MED13: variants seen among roughly 807,000 people sequenced by gnomAD.
The protein encoded by MED13 is mediator complex subunit 13.
MED13 carries 23 observed loss-of-function variants against 225.2 expected under a neutral mutation model. The ratio of observed to expected loss-of-function variants is 0.10; its 90% CI spans 0.07 to 0.14. The LOEUF (loss-of-function observed/expected upper bound fraction) is 0.14, where lower values mean the gene tolerates loss of function less well. Among genes scored for constraint, MED13 ranks in the 10% least tolerant of loss-of-function variants. MED13 has a pLI of 1.00. For synonymous variants in MED13, 942 were observed against 889.2 expected, an observed-to-expected ratio of 1.06 and a Z score of -1.06; for missense variants, 2,197 against 2,594.5, an observed-to-expected ratio of 0.85 and a Z score of 3.33.
At chr17:62,055,640 T>C (rs933795023) in intron 2 of MED13, among the ~76,000 whole-genome samples, 7 of 151,850 alleles carry the variant, frequency 4.6e-5, no homozygotes, top group East Asian at 1.9e-4. Flanking sequence ...CTGGCCAACA[T>C]AGTGAAACCC....
chr17:61,956,516 T>G lies in MED13; in HGVS notation c.5481-35A>C, dbSNP rs1405601992. The G allele has an allele frequency of 2.5e-5, 39 of 1,568,240 alleles. 1 individual carries two copies. The East Asian group carries it at 7.9e-4, about 32-fold the overall frequency. On this transcript the variant is annotated intron_variant, in intron 23 of 29. Transcript: ENST00000397786. ...GAATAAAGAGAGTGTCATAAATATT[T>G]CTAAAATTTATATGATTTTGCTGTT...
At chr17:62,003,369 G>T (rs993191537) in intron 9 of MED13, among the ~76,000 whole-genome samples, 7 of 152,022 alleles carry the variant, frequency 4.6e-5, no homozygotes, top group Admixed American at 3.9e-4. Context: ...ACTTTGTGAG[G>T]CTGAGGCAGG....
Position 61,977,090 on chromosome 17 carries a change from C to A in MED13, c.3806-4202G>T, listed in dbSNP as rs549086100. Among the ~76,000 whole-genome samples the A allele has an allele frequency of 5.1e-4, 77 of 152,244 alleles. 1 individual carries two copies. Among genetic ancestry groups the A allele is most frequent in the African/African-American group, 1.8e-3 (73 of 41,548 alleles). ...TAATATCCTGATCATCTACTGTGTTCATTATTCTAGGTGTTTAGATTATAG... is the reference window on the plus strand; with the variant it reads ...TAATATCCTGATCATCTACTGTGTTAATTATTCTAGGTGTTTAGATTATAG... On this transcript the variant is annotated intron_variant, in intron 16 of 29. Transcript: ENST00000397786.
chr17:62,053,925 A>C (rs1366578590), intron 2 of MED13, among the ~76,000 whole-genome samples: 2 of 152,232 alleles, frequency 1.3e-5, no homozygotes, highest in African/African-American at 2.4e-5. Flanking sequence ...ATTCTGTGCC[A>C]CTACAAAGAT....
intron 9 of MED13, chr17:62,010,336 A>G (rs2080494660): frequency 5.2e-6 from 2 of 387,832 alleles, no homozygotes; most frequent in African/African-American, 2.1e-5. Context: ...ACAAGTGTTT[A>G]CACATTATTT....
In MED13 at chr17:61,982,522, T is replaced by C. The variant is rs1237209084; in HGVS notation, c.3481A>G (p.Lys1161Glu). Residue 1161 changes from lysine to glutamate, a missense_variant, in exon 16 of 30, where the codon AAA (lysine) becomes GAA (glutamate). By Grantham distance (56) the Lys-to-Glu change is moderately conservative. Around this residue, in one of 12 missense-constraint regions of MED13, gnomAD observed 203 missense variants for 209.7 expected, o/e 0.97. Transcript: ENST00000397786. ...RNTDCGKEAE[K>E]RFEALRATSA... is the part of the protein sequence containing the mutation. The stretch of plus-strand genomic sequence containing the variant: ...GTAGCCCTGAGAGCTTCAAAACGTT[T>C]TTCTGCTTCTTTGCCACAGTCTGTA... The C allele has an allele frequency of 1.2e-6, 2 of 1,614,218 alleles. No individual in the cohort carries two copies. Among genetic ancestry groups the C allele is most frequent in the East Asian group, 2.2e-5 (1 of 44,888 alleles).
Position 62,065,181 on chromosome 17 carries a change from C to A in MED13, c.25G>T (p.Gly9Trp). MSASFVPN[G>W]ASLEDCHCNL... ...CAGTGACAATCTTCCAGGCTGGCCC[C>A]GTTCGGCACGAAGGAGGCACTCATC... Residue 9 changes from glycine (G) to tryptophan (W), a missense_variant, in exon 1 of 30, where the codon GGG becomes TGG. Gly to Trp is a radical substitution (Grantham distance 184). This residue lies in a region of MED13 where 884 missense variants were observed against 918.5 expected (regional missense o/e 0.96). Transcript: ENST00000397786. 1 of 1,581,050 alleles carries A rather than the reference C, an allele frequency of 6.3e-7. No individual in the cohort carries two copies. The highest frequency in any genetic ancestry group is 8.6e-7 in the Non-Finnish European group (1 of 1,165,214).
chr17:62,049,657 CGCCGTG>C (rs2080937140), intron 3 of MED13, among the ~76,000 whole-genome samples: 1 of 152,134 alleles, frequency 6.6e-6, no homozygotes, highest in Non-Finnish European at 1.5e-5. Flanking sequence ...GAAGGCTGGG[CGCCGTG>C]GCTCACGCCT....
At chr17:61,969,762 G>A (rs879892384) in intron 17 of MED13, among the ~76,000 whole-genome samples, 14 of 151,908 alleles carry the variant, frequency 9.2e-5, no homozygotes, top group East Asian at 7.8e-4. Context: ...TCACCATACC[G>A]GGATAATTTT....
rs924459337 is a variant in MED13, at chr17:61,967,960, T to C, written c.4191+75A>G. ...ATCACTGTGTCCCAATCAACTGAAC[T>C]GCCCAGTATGCTGTATATACAACAA... On this transcript the variant is annotated intron_variant, in intron 18 of 29. Transcript: ENST00000397786. 2.7e-6 allele frequency: 3 copies of C among 1,106,784 alleles called. No individual in the cohort carries two copies. In the African/African-American group the frequency reaches 4.7e-5, roughly 17 times the overall value. The allele number at this position is 1,106,784 out of a possible 1,614,324, so 68.6% of individuals were successfully genotyped here. A position where few individuals can be genotyped will look rare whatever the true frequency, so the allele number is the denominator to read the frequency against.
chr17:62,014,218 G>T (rs2080539552), intron 8 of MED13, among the ~76,000 whole-genome samples: 1 of 151,626 alleles, frequency 6.6e-6, no homozygotes, highest in African/African-American at 2.4e-5. Flanking sequence ...CAAAAATATT[G>T]AAGTTGAGTC....
chr17:62,022,297 T>C (rs967413816), intron 8 of MED13, among the ~76,000 whole-genome samples: 1 of 151,780 alleles, frequency 6.6e-6, no homozygotes, highest in African/African-American at 2.4e-5. Context: ...ACACCTTCTG[T>C]CACAGAGTAA....
intron 8 of MED13, among the ~76,000 whole-genome samples, chr17:62,027,352 T>G (rs558113851): frequency 6.6e-6 from 1 of 152,278 alleles, no homozygotes; most frequent in South Asian, 2.1e-4. Flanking sequence ...CCCTATTCAA[T>G]AAATGGTGCT....
intron 3 of MED13, among the ~76,000 whole-genome samples, chr17:62,048,846 C>G (rs991650174): frequency 6.6e-6 from 1 of 152,104 alleles, no homozygotes; most frequent in African/African-American, 2.4e-5. Flanking sequence ...CTCACATACA[C>G]AGAACCTCCA....
intron 11 of MED13, among the ~76,000 whole-genome samples, chr17:61,987,723 A>T (rs1329568760): frequency 1.3e-5 from 2 of 152,134 alleles, no homozygotes. Context: ...TAGAAAAACA[A>T]TTAAATACAC....
chr17:62,020,882 T>C (rs1033331868), intron 8 of MED13, among the ~76,000 whole-genome samples: 12 of 151,840 alleles, frequency 7.9e-5, no homozygotes, highest in African/African-American at 2.7e-4. Context: ...TAGGGAGTGG[T>C]GATGACTCTT....
intron 3 of MED13, among the ~76,000 whole-genome samples, chr17:62,048,821 C>A (rs1373708644): frequency 6.6e-6 from 1 of 152,044 alleles, no homozygotes; most frequent in African/African-American, 2.4e-5. Flanking sequence ...GTAAAGCCTG[C>A]AATGTCATAA....
intron 4 of MED13, among the ~76,000 whole-genome samples, chr17:62,034,357 C>T (rs986145050): frequency 2.6e-5 from 4 of 151,872 alleles, no homozygotes; most frequent in African/African-American, 9.7e-5. Context: ...TGTGGTTGCA[C>T]ACGCCTGCAA....
chr17:62,032,318 A>G (rs2080764729), intron 5 of MED13: 1 of 151,970 alleles, frequency 6.6e-6, no homozygotes, highest in Admixed American at 6.6e-5. Context: ...TACTAAAAAT[A>G]CAAAATTTAG....
Sources: gnomAD v4.1 joint callset for allele counts (sites outside exome capture counted in the v4.1 genomes callset) on GRCh38, gnomAD v4.1.1 for gene constraint, gnomAD v4.1.1 regional missense constraint, MANE v1.5 for transcripts, NCBI Gene and HGNC (gene_info 2026-07-23, HGNC 2026-07-21) for gene names.